GRIP1: variants seen among roughly 807,000 people sequenced by gnomAD.
GRIP1 encodes glutamate receptor-interacting protein 1.
GRIP1 carries 45 observed loss-of-function variants against 129.9 expected under a neutral mutation model. That is an observed-to-expected ratio of 0.35 (90% CI 0.27 to 0.44). GRIP1 has a LOEUF of 0.44. Ranked by LOEUF, GRIP1 falls within the 20% of genes least tolerant of loss-of-function variation. The probability of loss-of-function intolerance (pLI) is 1.00; values close to 1 mark genes in which losing one functional copy is unlikely to be tolerated. For missense variants in GRIP1, 1,196 were observed against 1,396.8 expected (o/e 0.86, Z 2.29); for synonymous variants, 530 against 520.8 (o/e 1.02, Z -0.24).
At chr12:66,457,686 C>A (rs567596058) in intron 9 of GRIP1, among the ~76,000 whole-genome samples, 1 of 152,286 alleles carries the variant, frequency 6.6e-6, no homozygotes, top group African/African-American at 2.4e-5. Context: ...ACTTAAGTTA[C>A]ATCAACTGTG....
intron 1 of GRIP1, among the ~76,000 whole-genome samples, chr12:66,882,210 CAAAA>C (rs59374332): frequency 0.67 from 87,264 of 129,740 alleles, 29,692 homozygotes; most frequent in South Asian, 0.82. Flanking sequence ...TGTGCCATCA[CAAAA>C]AAAAAAAAAA....
At chr12:66,953,938 G>T (rs913780462) in intron 1 of GRIP1, among the ~76,000 whole-genome samples, 2 of 152,104 alleles carry the variant, frequency 1.3e-5, no homozygotes, top group Admixed American at 6.5e-5. Flanking sequence ...CTGTTTAGCA[G>T]ATTTCAACAG....
At chr12:66,978,720 T>G (rs1379829007) in intron 1 of GRIP1, among the ~76,000 whole-genome samples, 1 of 152,138 alleles carries the variant, frequency 6.6e-6, no homozygotes, top group Non-Finnish European at 1.5e-5. Context: ...AAAAAGTAGA[T>G]AAAAATAACT....
intron 1 of GRIP1, among the ~76,000 whole-genome samples, chr12:66,885,706 C>A (rs1410572294): frequency 2.0e-5 from 3 of 152,158 alleles, no homozygotes; most frequent in African/African-American, 7.2e-5. Context: ...GCCTGCCAAT[C>A]TCTCTCCTCT....
At chr12:66,589,977 A>AC (rs1441708290) in intron 2 of GRIP1, among the ~76,000 whole-genome samples, 1 of 152,210 alleles carries the variant, frequency 6.6e-6, no homozygotes, top group East Asian at 1.9e-4. Flanking sequence ...GTCTAGCCAA[A>AC]CCCAGGAATG....
chr12:66,559,161 A>C (rs1450691250), intron 2 of GRIP1, among the ~76,000 whole-genome samples: 1 of 152,046 alleles, frequency 6.6e-6, no homozygotes, highest in East Asian at 1.9e-4. Flanking sequence ...CCCTCAAAAA[A>C]CAGGGTATAG....
intron 1 of GRIP1, among the ~76,000 whole-genome samples, chr12:66,993,836 C>A (rs1489519412): frequency 1.3e-5 from 2 of 148,808 alleles, no homozygotes; most frequent in African/African-American, 2.5e-5. Flanking sequence ...GACATTTCTA[C>A]CAATCTTACA....
chr12:66,450,975 T>C (rs1351453273), intron 11 of GRIP1, among the ~76,000 whole-genome samples: 3 of 152,212 alleles, frequency 2.0e-5, no homozygotes, highest in East Asian at 1.9e-4. Context: ...GTCTCTCTAG[T>C]AGCAGATGCT....
intron 1 of GRIP1, among the ~76,000 whole-genome samples, chr12:66,998,257 T>C (rs546497180): frequency 1.3e-5 from 2 of 152,176 alleles, no homozygotes; most frequent in South Asian, 2.1e-4. Context: ...ATTTATGTCA[T>C]TGCAGAAAGT....
intron 1 of GRIP1, among the ~76,000 whole-genome samples, chr12:66,723,082 C>T (rs2036109158): frequency 6.6e-6 from 1 of 150,746 alleles, no homozygotes; most frequent in Non-Finnish European, 1.5e-5. Flanking sequence ...TGGCTGAATG[C>T]CCAGCCTTTG....
At chr12:66,998,429 A>T (rs923368575) in intron 1 of GRIP1, among the ~76,000 whole-genome samples, 175 of 151,924 alleles carry the variant, frequency 1.2e-3, no homozygotes, top group African/African-American at 3.3e-3. Context: ...GATAAAAAAA[A>T]ATATATATTT....
intron 8 of GRIP1, among the ~76,000 whole-genome samples, chr12:66,464,317 C>T (rs1381841042): frequency 6.6e-6 from 1 of 152,032 alleles, no homozygotes; most frequent in East Asian, 1.9e-4. Context: ...TTTATCTTCC[C>T]CTTTTACCTT....
At chr12:66,758,896 G>C (rs1045868480) in intron 1 of GRIP1, among the ~76,000 whole-genome samples, 1 of 152,106 alleles carries the variant, frequency 6.6e-6, no homozygotes, top group African/African-American at 2.4e-5. Flanking sequence ...TTCGGGTACA[G>C]CCTCCCTCCT....
intron 1 of GRIP1, among the ~76,000 whole-genome samples, chr12:66,893,123 T>C (rs2040689403): frequency 6.6e-6 from 1 of 152,214 alleles, no homozygotes; most frequent in Admixed American, 6.5e-5. Flanking sequence ...ACTATGATTT[T>C]TCCATTTTGA....
chr12:66,355,664 C>T (rs925553352), intron 23 of GRIP1, among the ~76,000 whole-genome samples: 5 of 151,980 alleles, frequency 3.3e-5, no homozygotes, highest in Non-Finnish European at 7.4e-5. Context: ...CAAAGCAATA[C>T]TCACCAGGGG....
At chr12:66,633,661 G>T (rs1452371081) in intron 1 of GRIP1, among the ~76,000 whole-genome samples, 2 of 152,050 alleles carry the variant, frequency 1.3e-5, no homozygotes, top group Admixed American at 6.6e-5. Flanking sequence ...ATTTCCCGAG[G>T]TTAAATAACT....
At chr12:66,773,946 AATG>A (rs1468291378) in intron 1 of GRIP1, among the ~76,000 whole-genome samples, 1 of 152,158 alleles carries the variant, frequency 6.6e-6, no homozygotes, top group Non-Finnish European at 1.5e-5. Flanking sequence ...AAAAGATACA[AATG>A]ATGAAGATCC....
At chr12:66,816,103 C>T (rs2039213947) in intron 1 of GRIP1, among the ~76,000 whole-genome samples, 3 of 152,224 alleles carry the variant, frequency 2.0e-5, no homozygotes, top group South Asian at 4.1e-4. Context: ...CAGTAAGTTG[C>T]ACCTGTCACT....
intron 1 of GRIP1, among the ~76,000 whole-genome samples, chr12:66,787,225 C>A (rs1341269756): frequency 6.6e-6 from 1 of 152,098 alleles, no homozygotes; most frequent in Non-Finnish European, 1.5e-5. Flanking sequence ...TGAATTCAGT[C>A]CTGGGGATGT....
Sources: gnomAD v4.1 joint callset for allele counts (sites outside exome capture counted in the v4.1 genomes callset) on GRCh38, gnomAD v4.1.1 for gene constraint, MANE v1.5 for transcripts, NCBI Gene and HGNC (gene_info 2026-07-23, HGNC 2026-07-21) for gene names.